Variants in HYAL4 observed in about 807,000 individuals in gnomAD.
HYAL4 encodes the protein hyaluronidase 4.
In HYAL4, 37 loss-of-function variants were observed where a neutral mutation model predicts 35.2. The ratio of observed to expected loss-of-function variants is 1.05; its 90% confidence interval spans 0.81 to 1.38. The LOEUF (loss-of-function observed/expected upper bound fraction) is 1.38. HYAL4 is among the 40% of genes most tolerant of loss of function. The pLI is 0.00. For synonymous variants in HYAL4, 198 were observed against 203.2 expected (o/e 0.97, Z 0.22); for missense variants, 572 against 572.4 (o/e 1.00, Z 0.01).
chr7:123,773,385 CTTAA>C, the HYAL4 span, among the ~76,000 whole-genome samples: 2 of 151,524 alleles, frequency 1.3e-5, no homozygotes. Flanking sequence ...TGTTATTTTC[CTTAA>C]TTATTTCCTC....
upstream of HYAL4, among the ~76,000 whole-genome samples, chr7:123,828,459 C>CACACAA (rs1805832728): frequency 6.6e-6 from 1 of 150,986 alleles, no homozygotes. Flanking sequence ...CACACACACA[C>CACACAA]ACACCTCTAA....
chr7:123,799,284 T>A, the HYAL4 span, among the ~76,000 whole-genome samples: 1 of 152,054 alleles, frequency 6.6e-6, no homozygotes, highest in African/African-American at 2.4e-5. Context: ...CTGGTTAAAA[T>A]ACAATCAGAA....
At chr7:123,874,144 G>A (rs943464034) in intron 3 of HYAL4, among the ~76,000 whole-genome samples, 3 of 152,048 alleles carry the variant, frequency 2.0e-5, no homozygotes, top group Non-Finnish European at 2.9e-5. Flanking sequence ...ATGTGCCCCC[G>A]ATTTATTTCA....
rs1806796425 is a variant in HYAL4, at chr7:123,869,137, C to T, written c.864C>T (p.Ile288=). The T allele has an allele frequency of 6.2e-7, 1 of 1,614,048 alleles. No individual in the cohort carries two copies. Among genetic ancestry groups the T allele is most frequent in the Non-Finnish European group, 8.5e-7 (1 of 1,180,016 alleles). Residue 288 remains isoleucine, a synonymous_variant, in exon 3 of 5, where the codon ATC becomes ATT. Coordinates refer to ENST00000223026, the MANE Select transcript of HYAL4 (RefSeq NM_012269.3). ...TTCGGGTGCATGAATCCATGAGGAT[C>T]TCCACCATGACATCTCATGATTATG... ...SKFRVHESMR[I]STMTSHDYAL...
chr7:123,768,512 C>A, the HYAL4 span, among the ~76,000 whole-genome samples: 1 of 152,194 alleles, frequency 6.6e-6, no homozygotes, highest in Non-Finnish European at 1.5e-5. Context: ...TCCTCAGACT[C>A]AGAGACTCGG....
the HYAL4 span, among the ~76,000 whole-genome samples, chr7:123,770,730 T>C: frequency 6.6e-6 from 1 of 152,060 alleles, no homozygotes; most frequent in Non-Finnish European, 1.5e-5. Context: ...AGTAGAGATT[T>C]TGGGGCAAAG....
the HYAL4 span, among the ~76,000 whole-genome samples, chr7:123,805,867 C>T: frequency 2.1e-4 from 32 of 152,104 alleles, no homozygotes; most frequent in African/African-American, 7.2e-4. Context: ...TAGTGGCAGG[C>T]ACCTGTAATC....
chr7:123,877,352 T>A lies in HYAL4; in HGVS notation c.*197T>A. The A allele has an allele frequency of 1.9e-6, 1 of 537,202 alleles. No homozygotes were observed. Among genetic ancestry groups the A allele is most frequent in the East Asian group, 2.9e-5 (1 of 34,324 alleles). The allele number at this position is 537,202 out of a possible 1,614,324, so 33.3% of individuals were successfully genotyped here. On this transcript the variant is annotated 3_prime_UTR_variant, in exon 5 of 5. Transcript: ENST00000223026. ...CTAGGAAACCAGATCTGGGGTAAAG[T>A]CAATGTACACTTCCTCCTTATTGGA... is the stretch of plus-strand genomic sequence containing the variant.
chr7:123,856,050 A>C (rs746134024), intron 2 of HYAL4, among the ~76,000 whole-genome samples: 10 of 151,728 alleles, frequency 6.6e-5, no homozygotes, highest in Non-Finnish European at 1.3e-4. Flanking sequence ...CAGCTCCATC[A>C]AGTCATTTAT....
chr7:123,820,195 A>G, the HYAL4 span, among the ~76,000 whole-genome samples: 1 of 152,086 alleles, frequency 6.6e-6, no homozygotes, highest in Non-Finnish European at 1.5e-5. Flanking sequence ...ACCTGGCCCA[A>G]AAATGATTCT....
At chr7:123,796,478 C>G in the HYAL4 span, among the ~76,000 whole-genome samples, 2 of 152,114 alleles carry the variant, frequency 1.3e-5, no homozygotes, top group African/African-American at 4.8e-5. Flanking sequence ...AAAACTGAGG[C>G]ATAATTTGCC....
chr7:123,830,770 T>C (rs1805867954), intron 1 of HYAL4, among the ~76,000 whole-genome samples: 1 of 152,210 alleles, frequency 6.6e-6, no homozygotes, highest in African/African-American at 2.4e-5. Flanking sequence ...TATCTTCTAA[T>C]TTAGACTCTC....
At chr7:123,790,554 TTCTA>T in the HYAL4 span, 7 of 151,814 alleles carry the variant, frequency 4.6e-5, no homozygotes, top group African/African-American at 1.2e-4. Flanking sequence ...TGGATATATA[TTCTA>T]TCTATCCAAC....
chr7:123,831,770 A>T (rs976563750), intron 1 of HYAL4, among the ~76,000 whole-genome samples: 1 of 152,172 alleles, frequency 6.6e-6, no homozygotes, highest in Non-Finnish European at 1.5e-5. Context: ...GGATTATTTC[A>T]TTGAATGAAA....
At position 123,868,266 on chromosome 7, in the gene HYAL4, A is replaced by G. The variant is rs1424584784; in HGVS notation, c.-8A>G. The G allele has an allele frequency of 1.3e-6, 2 of 1,484,552 alleles. No homozygotes were observed. The highest frequency in any genetic ancestry group is 2.8e-5 in the South Asian group (2 of 72,258). 92.0% of individuals were successfully genotyped at this position (1,484,552 alleles called of 1,614,324 possible). ...AAGCAGAAGATAACGTAACATTTTT[A>G]TCTTACCATGAAAGTATTATCTGAA... On this transcript the variant is annotated 5_prime_UTR_variant, in exon 3 of 5. Coordinates refer to ENST00000223026, the MANE Select transcript of HYAL4 (RefSeq NM_012269.3).
chr7:123,786,588 A>G, the HYAL4 span, among the ~76,000 whole-genome samples: 1 of 152,156 alleles, frequency 6.6e-6, no homozygotes, highest in African/African-American at 2.4e-5. Flanking sequence ...ACATGTTCCA[A>G]TGGGGAAACA....
intron 2 of HYAL4, among the ~76,000 whole-genome samples, chr7:123,863,662 CT>C (rs912305247): frequency 6.6e-6 from 1 of 152,122 alleles, no homozygotes; most frequent in African/African-American, 2.4e-5. Context: ...CAGTGACCTT[CT>C]TTTCTGATCT....
the HYAL4 span, among the ~76,000 whole-genome samples, chr7:123,772,987 CTCCTAAGATTCAGTGGTGG>C: frequency 6.7e-3 from 1,021 of 152,316 alleles, 12 homozygotes; most frequent in African/African-American, 0.024. Context: ...CGCATTGTCT[CTCCTAAGATTCAGTGGTGG>C]TCTTGATTTG....
the HYAL4 span, among the ~76,000 whole-genome samples, chr7:123,791,262 G>C: frequency 3.3e-5 from 5 of 152,272 alleles, no homozygotes; most frequent in South Asian, 2.1e-4. Context: ...AAGGGCTTAT[G>C]AGTCATGTCA....
Sources: gnomAD v4.1 joint callset for allele counts (sites outside exome capture counted in the v4.1 genomes callset) on GRCh38, gnomAD v4.1.1 for gene constraint, MANE v1.5 for transcripts, NCBI Gene and HGNC (gene_info 2026-07-23, HGNC 2026-07-21) for gene names.